EFNA5: variants seen among roughly 807,000 people sequenced by gnomAD.
The protein encoded by EFNA5 is ephrin-A5.
In EFNA5, 5 loss-of-function variants were observed where a neutral mutation model predicts 22.9. The observed-to-expected ratio is 0.22, with a 90% CI of 0.11 to 0.46. The LOEUF is 0.46. EFNA5 is among the 20% of genes least tolerant of loss of function. EFNA5 has a pLI of 0.99. For synonymous variants in EFNA5, 113 were observed against 112.2 expected, an observed-to-expected ratio of 1.01 and a Z score of -0.04; for missense variants, 237 against 293.3, an observed-to-expected ratio of 0.81 and a Z score of 1.40.
chr5:107,434,364 G>A (rs1228227022), intron 1 of EFNA5, among the ~76,000 whole-genome samples: 4 of 152,160 alleles, frequency 2.6e-5, no homozygotes, highest in Admixed American at 2.0e-4. Context: ...AGCTGGGGAG[G>A]CCACATTGAA....
At chr5:107,569,796 T>C (rs1259364095) in intron 1 of EFNA5, among the ~76,000 whole-genome samples, 2 of 136,658 alleles carry the variant, frequency 1.5e-5, no homozygotes, top group Non-Finnish European at 3.1e-5. Context: ...AGGCTGCAGT[T>C]AGCCAAGATT....
intron 1 of EFNA5, among the ~76,000 whole-genome samples, chr5:107,487,098 C>T (rs143487644): frequency 5.9e-5 from 9 of 152,308 alleles, no homozygotes; most frequent in Non-Finnish European, 1.3e-4. Flanking sequence ...GTATCTGGCT[C>T]TGTTTCCCAA....
At chr5:107,405,618 A>T (rs959069447) in intron 2 of EFNA5, among the ~76,000 whole-genome samples, 1 of 152,168 alleles carries the variant, frequency 6.6e-6, no homozygotes. Flanking sequence ...ACAGAATCTC[A>T]GTTAGCCCAA....
At chr5:107,612,735 A>G (rs1194155986) in intron 1 of EFNA5, among the ~76,000 whole-genome samples, 1 of 152,154 alleles carries the variant, frequency 6.6e-6, no homozygotes, top group Non-Finnish European at 1.5e-5. Flanking sequence ...GGGTTGTGAT[A>G]TTCCCGTCAG....
At chr5:107,441,791 C>A (rs1488917133) in intron 1 of EFNA5, among the ~76,000 whole-genome samples, 2 of 152,030 alleles carry the variant, frequency 1.3e-5, no homozygotes, top group African/African-American at 4.8e-5. Flanking sequence ...TATATGGAAA[C>A]AGGAAATACT....
At chr5:107,518,779 T>C (rs912631583) in intron 1 of EFNA5, among the ~76,000 whole-genome samples, 2 of 152,184 alleles carry the variant, frequency 1.3e-5, no homozygotes, top group East Asian at 1.9e-4. Flanking sequence ...TCATTAGGCA[T>C]GGCTGAAAGG....
chr5:107,427,576 T>A (rs1748840789), intron 1 of EFNA5, 67 bp from the exon 2 acceptor site: 1 of 1,421,978 alleles, frequency 7.0e-7, no homozygotes, highest in Admixed American at 2.3e-5. Context: ...GAATCAGTGG[T>A]TAAGCCATTC....
intron 1 of EFNA5, among the ~76,000 whole-genome samples, chr5:107,654,646 C>A (rs138904140): frequency 6.6e-6 from 1 of 152,176 alleles, no homozygotes; most frequent in East Asian, 1.9e-4. Context: ...AGAGAATTTA[C>A]AACTGTCCAA....
intron 1 of EFNA5, among the ~76,000 whole-genome samples, chr5:107,600,490 C>CT (rs760418289): frequency 0.015 from 2,163 of 144,022 alleles, 48 homozygotes; most frequent in African/African-American, 0.042. Context: ...AAATGTTTCT[C>CT]TTTTTTTTTT....
chr5:107,650,751 C>T (rs1246099937), intron 1 of EFNA5, among the ~76,000 whole-genome samples: 4 of 152,070 alleles, frequency 2.6e-5, no homozygotes, highest in African/African-American at 4.8e-5. Flanking sequence ...TTCTTCTGAA[C>T]GTCTTCAAAA....
chr5:107,384,672 C>T (rs995774832), intron 4 of EFNA5, among the ~76,000 whole-genome samples: 2 of 151,468 alleles, frequency 1.3e-5, no homozygotes, highest in South Asian at 4.2e-4. Context: ...AGCACAGTGG[C>T]GTGATCATAG....
chr5:107,586,839 G>T (rs62355631), intron 1 of EFNA5, among the ~76,000 whole-genome samples: 2 of 152,160 alleles, frequency 1.3e-5, no homozygotes, highest in African/African-American at 4.8e-5. Context: ...GTCTTCAGAA[G>T]TTTTCAGCTG....
intron 1 of EFNA5, among the ~76,000 whole-genome samples, chr5:107,592,548 G>A (rs544307438): frequency 3.4e-4 from 51 of 152,164 alleles, no homozygotes; most frequent in Admixed American, 7.2e-4. Flanking sequence ...AACTGGTCTC[G>A]ATGTCGAGGA....
chr5:107,623,058 A>AAAAAT (rs1750072180), intron 1 of EFNA5, among the ~76,000 whole-genome samples: 1 of 143,768 alleles, frequency 7.0e-6, no homozygotes, highest in Non-Finnish European at 1.5e-5. Context: ...AAAAAAAAAA[A>AAAAAT]GTTGAATACT....
At chr5:107,564,078 C>T (rs1282334318) in intron 1 of EFNA5, among the ~76,000 whole-genome samples, 3 of 152,118 alleles carry the variant, frequency 2.0e-5, no homozygotes, top group African/African-American at 2.4e-5. Flanking sequence ...CCTCCTCAGC[C>T]TGCAGAGGGG....
chr5:107,398,626 T>C (rs950709540), intron 2 of EFNA5, among the ~76,000 whole-genome samples: 9 of 151,892 alleles, frequency 5.9e-5, no homozygotes, highest in African/African-American at 1.2e-4. Context: ...ACAGGAGGAC[T>C]GCTTGAGCCC....
intron 1 of EFNA5, among the ~76,000 whole-genome samples, chr5:107,443,458 A>G (rs1455061490): frequency 6.6e-6 from 1 of 152,212 alleles, no homozygotes; most frequent in African/African-American, 2.4e-5. Context: ...GGGGGAACAG[A>G]GTATCATTCC....
intron 1 of EFNA5, among the ~76,000 whole-genome samples, chr5:107,575,209 A>G (rs12519552): frequency 0.18 from 26,719 of 152,252 alleles, 2,798 homozygotes; most frequent in African/African-American, 0.29. Context: ...TCTGTAAGAA[A>G]TTATTCCACC....
intron 1 of EFNA5, among the ~76,000 whole-genome samples, chr5:107,511,264 G>A (rs900802159): frequency 9.2e-5 from 14 of 152,236 alleles, no homozygotes; most frequent in African/African-American, 3.4e-4. Flanking sequence ...GACCTCAGGT[G>A]ATCAGCCCGC....
Sources: gnomAD v4.1 joint callset for allele counts (sites outside exome capture counted in the v4.1 genomes callset) on GRCh38, gnomAD v4.1.1 for gene constraint, MANE v1.5 for transcripts, NCBI Gene and HGNC (gene_info 2026-07-23, HGNC 2026-07-21) for gene names.